LEKR1: variants seen among roughly 807,000 people sequenced by gnomAD.
The protein encoded by LEKR1 is protein LEKR1.
In LEKR1, 59 loss-of-function variants were observed where a neutral mutation model predicts 72.4. The ratio of observed to expected loss-of-function variants is 0.82; its 90% CI spans 0.66 to 1.01. The LOEUF (loss-of-function observed/expected upper bound fraction) is 1.01, where lower values mean the gene tolerates loss of function less well. LEKR1 is among the 50% of genes least tolerant of loss of function. The pLI is 0.00. For missense variants in LEKR1, 728 were observed against 759.2 expected (o/e 0.96, Z 0.48); for synonymous variants, 257 against 263.2 (o/e 0.98, Z 0.23).
chr3:156,852,806 C>T lies in LEKR1; in HGVS notation c.87C>T (p.Val29=). Reference sequence around the variant, plus strand: ...AAAAAGTTTGTAAGTACTGTGGAGTCAGCTATCTAATTCTTCATGAATTTA... The same window carrying T: ...AAAAAGTTTGTAAGTACTGTGGAGTTAGCTATCTAATTCTTCATGAATTTA... ...PEEKVCKYCG[V]SYLILHEFKA... The change falls in exon 3 of 13, where the codon GTC becomes GTT. Residue 29 remains valine, a synonymous_variant. Transcript: ENST00000356539. The T allele has an allele frequency of 6.5e-7, 1 of 1,534,266 alleles. No individual in the cohort carries two copies. The highest frequency in any genetic ancestry group is 8.7e-7 in the Non-Finnish European group (1 of 1,145,320).
At chr3:157,038,141 A>G (rs1245677961) in intron 12 of LEKR1, among the ~76,000 whole-genome samples, 1 of 152,142 alleles carries the variant, frequency 6.6e-6, no homozygotes, top group African/African-American at 2.4e-5. Context: ...TAGGTTGAAG[A>G]GGGCAAAAAA....
intron 6 of LEKR1, among the ~76,000 whole-genome samples, chr3:156,975,839 T>A (rs1729641586): frequency 2.6e-5 from 4 of 152,230 alleles, no homozygotes. Context: ...TACATCTGCA[T>A]GGTGTTTAAA....
At chr3:157,030,582 C>G (rs142534105) in intron 12 of LEKR1, among the ~76,000 whole-genome samples, 203 of 152,318 alleles carry the variant, frequency 1.3e-3, no homozygotes, top group African/African-American at 4.8e-3. Flanking sequence ...TATAAGTTAT[C>G]TATTGCTACG....
intron 3 of LEKR1, among the ~76,000 whole-genome samples, chr3:156,882,730 T>A (rs1719564121): frequency 6.6e-6 from 1 of 152,166 alleles, no homozygotes; most frequent in African/African-American, 2.4e-5. Flanking sequence ...TTATTCAGAA[T>A]AGCAAAGACT....
At chr3:156,977,632 A>T in intron 6 of LEKR1, 1 of 273,752 alleles carries the variant, frequency 3.7e-6, no homozygotes. Context: ...GTGAAATCAT[A>T]CAGAAGAACA....
intron 7 of LEKR1, chr3:156,988,693 T>G: frequency 4.3e-6 from 1 of 232,880 alleles, no homozygotes; most frequent in South Asian, 9.9e-5. Context: ...GCAAAGCACT[T>G]GTTTGTCTCT....
rs1376493791 is a variant in LEKR1, at chr3:156,993,076, A to ATAC, written c.911_913dup (p.Thr304dup). The ATAC allele has an allele frequency of 1.9e-6, 3 of 1,578,462 alleles. No homozygotes were observed. Among genetic ancestry groups the ATAC allele is most frequent in the Middle Eastern group, 1.7e-4 (1 of 5,794 alleles). ...GTGTTTTTCCTATTTCTTTTTAGGC[A>ATAC]TACTATGCTGCTTAAGGAAAAAGAA... On this transcript the variant is annotated inframe_insertion, in exon 9 of 13. Coordinates refer to ENST00000356539, the MANE Select transcript of LEKR1 (RefSeq NM_001004316.3).
chr3:156,951,798 C>T (rs1196099404), intron 6 of LEKR1, among the ~76,000 whole-genome samples: 3 of 151,410 alleles, frequency 2.0e-5, no homozygotes, highest in African/African-American at 7.3e-5. Context: ...TTTCGAAAAA[C>T]CTACTTCTGG....
chr3:157,021,636 G>A (rs9839037), intron 10 of LEKR1, among the ~76,000 whole-genome samples: 110,931 of 151,980 alleles, frequency 0.73, 40,977 homozygotes, highest in East Asian at 0.93. Flanking sequence ...CAATCAATCC[G>A]TATTTGGAAA....
intron 3 of LEKR1, among the ~76,000 whole-genome samples, chr3:156,870,933 T>G (rs1327712468): frequency 6.6e-6 from 1 of 152,112 alleles, no homozygotes; most frequent in Non-Finnish European, 1.5e-5. Flanking sequence ...GATAATCATA[T>G]GTTTTATGTC....
At chr3:157,040,113 G>A (rs902666588) in intron 12 of LEKR1, among the ~76,000 whole-genome samples, 9 of 152,202 alleles carry the variant, frequency 5.9e-5, no homozygotes, top group African/African-American at 2.2e-4. Context: ...TCTCTGTGGT[G>A]AGGAAGATAC....
chr3:157,010,619 A>G (rs929915817), intron 9 of LEKR1, among the ~76,000 whole-genome samples: 1 of 152,132 alleles, frequency 6.6e-6, no homozygotes, highest in African/African-American at 2.4e-5. Context: ...GAAGAATCAC[A>G]TACATAGAAC....
In LEKR1 at chr3:157,038,182, C is replaced by T. The variant is rs1315103752; in HGVS notation, c.1669-7158C>T. 7.9e-5 allele frequency among the ~76,000 whole-genome samples: 12 copies of T among 152,258 alleles called. No homozygotes were observed. In the East Asian group the frequency reaches 2.3e-3, roughly 29 times the overall value. Reference sequence around the variant, plus strand: ...CAAGGCTGTGAAGGAGGTGACCAATCACCAGATTTGGGATATATTTTAGGG... The same window carrying T: ...CAAGGCTGTGAAGGAGGTGACCAATTACCAGATTTGGGATATATTTTAGGG... On this transcript the variant is annotated intron_variant, in intron 12 of 12. Transcript: ENST00000356539.
intron 3 of LEKR1, among the ~76,000 whole-genome samples, chr3:156,901,852 A>G (rs528311780): frequency 6.6e-6 from 1 of 152,082 alleles, no homozygotes; most frequent in African/African-American, 2.4e-5. Flanking sequence ...AACCCAGCTA[A>G]TTTTTGTATT....
intron 3 of LEKR1, among the ~76,000 whole-genome samples, chr3:156,901,962 G>GTGT (rs1215607611): frequency 6.6e-6 from 1 of 152,206 alleles, no homozygotes. Flanking sequence ...AGGATTACAC[G>GTGT]TGTGAGTCAC....
At chr3:156,918,276 G>A (rs567109337) in intron 3 of LEKR1, among the ~76,000 whole-genome samples, 1 of 152,186 alleles carries the variant, frequency 6.6e-6, no homozygotes, top group South Asian at 2.1e-4. Context: ...CATCCATTTT[G>A]CCTTCTAAGT....
intron 6 of LEKR1, among the ~76,000 whole-genome samples, chr3:156,960,706 G>A (rs1054338921): frequency 2.7e-5 from 4 of 150,732 alleles, no homozygotes; most frequent in Admixed American, 6.6e-5. Flanking sequence ...TTAAATACAT[G>A]TGTTAATTCT....
At chr3:157,014,399 G>C (rs1298743352) in intron 10 of LEKR1, among the ~76,000 whole-genome samples, 1 of 151,986 alleles carries the variant, frequency 6.6e-6, no homozygotes, top group African/African-American at 2.4e-5. Context: ...AAATGCAGGT[G>C]AGAAAAGTTT....
In LEKR1 at chr3:156,993,121, A is replaced by G. The variant is rs1731268317; in HGVS notation, c.953A>G (p.Gln318Arg). 9 of 1,611,042 alleles carry G rather than the reference A, an allele frequency of 5.6e-6. No homozygotes were observed. In the East Asian group the frequency reaches 2.0e-4, roughly 36 times the overall value. Residue 318 changes from glutamine (Q) to arginine (R), a missense_variant, in exon 9 of 13, where the codon CAA (glutamine) becomes CGA (arginine). Coordinates refer to ENST00000356539, the MANE Select transcript of LEKR1 (RefSeq NM_001004316.3). The stretch of plus-strand genomic sequence containing the variant: ...AAAGAAGACTCTTTAATGACTTGTC[A>G]ACAGATATATAAAGCATTACAGGAA... ...KEKEDSLMTC[Q>R]QIYKALQEEL...
Sources: gnomAD v4.1 joint callset for allele counts (sites outside exome capture counted in the v4.1 genomes callset) on GRCh38, gnomAD v4.1.1 for gene constraint, MANE v1.5 for transcripts, NCBI Gene and HGNC (gene_info 2026-07-23, HGNC 2026-07-21) for gene names.